The following FRA10AC1 variants were observed in gnomAD, a reference collection of about 807,000 sequenced individuals.
FRA10AC1 encodes the protein FRA10A associated CGG repeat 1.
Under a neutral mutation model 56.5 loss-of-function variants are expected in FRA10AC1, and 43 were observed. The ratio of observed to expected loss-of-function variants is 0.76; its 90% CI spans 0.60 to 0.98. FRA10AC1 has a LOEUF of 0.98. Ranked by LOEUF, FRA10AC1 falls within the 50% of genes least tolerant of loss-of-function variation. The pLI, the probability that FRA10AC1 is intolerant of heterozygous loss-of-function variation, is 0.00. For missense variants in FRA10AC1, 346 were observed against 351.8 expected, an observed-to-expected ratio of 0.98 and a Z score of 0.13; for synonymous variants, 112 against 110.5, an observed-to-expected ratio of 1.01 and a Z score of -0.09.
chr10:93,692,959 G>C (rs1169079214), intron 5 of FRA10AC1, among the ~76,000 whole-genome samples: 5 of 152,058 alleles, frequency 3.3e-5, no homozygotes, highest in African/African-American at 1.2e-4. Context: ...TCTGTCTGTA[G>C]CATTGGTTTC....
At chr10:93,702,036 T>A (rs749030722) in intron 1 of FRA10AC1, among the ~76,000 whole-genome samples, 3 of 152,056 alleles carry the variant, frequency 2.0e-5, no homozygotes, top group African/African-American at 4.8e-5. Flanking sequence ...TGTTACATCA[T>A]CATCATCATC....
At chr10:93,674,632 T>A (rs959428033) in intron 12 of FRA10AC1, 2 of 152,054 alleles carry the variant, frequency 1.3e-5, no homozygotes, top group Non-Finnish European at 2.9e-5. Context: ...CTAGTAAAAA[T>A]TTGACTTAGC....
At chr10:93,688,758 C>T (rs548324391) in intron 7 of FRA10AC1, among the ~76,000 whole-genome samples, 18 of 152,026 alleles carry the variant, frequency 1.2e-4, no homozygotes, top group Non-Finnish European at 2.1e-4. Flanking sequence ...CCACTGCATT[C>T]CATCCACCCT....
chr10:93,689,056 T>G (rs2059078681), intron 7 of FRA10AC1, among the ~76,000 whole-genome samples: 1 of 98,418 alleles, frequency 1.0e-5, no homozygotes. Flanking sequence ...CAGTTTGTTG[T>G]GGGGTTTTTT....
intron 5 of FRA10AC1, among the ~76,000 whole-genome samples, chr10:93,693,512 CATATATATATATATACACCAT>C (rs1232069824): frequency 0.059 from 963 of 16,320 alleles, 80 homozygotes; most frequent in African/African-American, 0.14. Flanking sequence ...ATATATACAC[CATATATATATATATACACCAT>C]ATATATATAT....
Position 93,676,224 on chromosome 10 carries a change from T to TCA in FRA10AC1, c.826+427_826+428dup, listed in dbSNP as rs1395350318. Among the ~76,000 whole-genome samples the TCA allele has an allele frequency of 5.3e-5, 8 of 152,174 alleles. No individual in the cohort carries two copies. The East Asian group carries it at 1.3e-3, about 26-fold the overall frequency. On this transcript the variant is annotated intron_variant, in intron 12 of 13. Coordinates refer to ENST00000359204, the MANE Select transcript of FRA10AC1 (RefSeq NM_145246.5). Reference sequence around the variant, plus strand: ...AACTTATTGTGTATGTTTTTATAAGTCATTGTGAATACTTTTTGGAATATT... The same window carrying TCA: ...AACTTATTGTGTATGTTTTTATAAGTCACATTGTGAATACTTTTTGGAATATT...
intron 9 of FRA10AC1, 131 bp downstream of exon 9, chr10:93,685,115 G>C (rs1043338689): frequency 1.7e-6 from 1 of 578,610 alleles, no homozygotes; most frequent in Admixed American, 3.7e-5. Flanking sequence ...GAGACTTTGG[G>C]AAGCTCCAAG....
In FRA10AC1 at chr10:93,692,626, C is replaced by A. The variant is rs73312804; in HGVS notation, c.380+20G>T. ...CAGGACTAAAGCATTTGATGCATTA[C>A]GCCTCTGATGGCTAATTACCAAGTC... On this transcript the variant is annotated intron_variant, in intron 6 of 13. Transcript: ENST00000359204. 1.3e-5 allele frequency: 19 copies of A among 1,486,432 alleles called. 1 individual carries two copies. The highest frequency in any genetic ancestry group is 1.2e-5 in the South Asian group (1 of 84,792). 92.1% of individuals were successfully genotyped at this position (1,486,432 alleles called of 1,614,324 possible).
At chr10:93,694,840 T>C (rs1291304940) in intron 5 of FRA10AC1, 21 bp downstream of exon 5, 7 of 1,450,626 alleles carry the variant, frequency 4.8e-6, no homozygotes, top group Non-Finnish European at 4.8e-6. Context: ...TTCCCTTCTA[T>C]GTAAACTTCC....
chr10:93,679,592 G>T (rs542488791), intron 11 of FRA10AC1, among the ~76,000 whole-genome samples: 1 of 152,248 alleles, frequency 6.6e-6, no homozygotes, highest in African/African-American at 2.4e-5. Flanking sequence ...AAGGCTACAT[G>T]GGGGGAGTGT....
chr10:93,698,934 T>C (rs2059281860), intron 2 of FRA10AC1, among the ~76,000 whole-genome samples: 1 of 152,198 alleles, frequency 6.6e-6, no homozygotes, highest in Non-Finnish European at 1.5e-5. Flanking sequence ...TTAAACCTCA[T>C]TGGCTATCAT....
chr10:93,694,697 G>A (rs1470321689), intron 5 of FRA10AC1, among the ~76,000 whole-genome samples, 164 bp downstream of exon 5: 1 of 120,176 alleles, frequency 8.3e-6, no homozygotes, highest in Non-Finnish European at 1.6e-5. Context: ...CTGGGCGACA[G>A]AGTGAGACTC....
intron 1 of FRA10AC1, among the ~76,000 whole-genome samples, chr10:93,701,124 A>G (rs2059325177): frequency 6.6e-6 from 1 of 152,174 alleles, no homozygotes; most frequent in Non-Finnish European, 1.5e-5. Flanking sequence ...TTTAGAACTG[A>G]AATTCTTAGA....
At chr10:93,699,413 T>A (rs1457032116) in intron 2 of FRA10AC1, among the ~76,000 whole-genome samples, 1 of 152,154 alleles carries the variant, frequency 6.6e-6, no homozygotes, top group Non-Finnish European at 1.5e-5. Flanking sequence ...AGTCAACCAC[T>A]CCTGAGTCAA....
In FRA10AC1 at chr10:93,685,311, T is replaced by C. The variant is rs1194330815; in HGVS notation, c.560A>G (p.Lys187Arg). The C allele has an allele frequency of 9.5e-6, 15 of 1,586,186 alleles. No individual in the cohort carries two copies. The highest frequency in any genetic ancestry group is 3.4e-5 in the Admixed American group (2 of 59,144). ...ATAACCAAAATTAACTTCCCAACTC[T>C]TTAAGCCTTCTTTTTTATCACAATA... The part of the protein sequence containing the change: ...NKYCDKKEGL[K>R]SWEVNFGYIE... The change falls in exon 9 of 14, where the codon AAG becomes AGG. Residue 187 changes from lysine to arginine, a missense_variant. By Grantham distance (26) the Lys-to-Arg change is conservative. Transcript: ENST00000359204.
chr10:93,669,829 T>A lies in FRA10AC1; in HGVS notation c.945A>T (p.Leu315=). ...EFDEYFQDLF[L] is the part of the protein sequence containing the mutation. ...GCGGAGGCTTCTCTCTCTCGTCTCA[T>A]AGAAACAAATCCTGAAAATACTCAT... Residue 315 remains leucine (L), a synonymous_variant, in exon 14 of 14, where the codon CTA becomes CTT. Coordinates refer to ENST00000359204, the MANE Select transcript of FRA10AC1 (RefSeq NM_145246.5). The A allele has an allele frequency of 6.3e-7, 1 of 1,579,186 alleles. No individual in the cohort carries two copies. Among genetic ancestry groups the A allele is most frequent in the Non-Finnish European group, 8.6e-7 (1 of 1,156,616 alleles).
Position 93,700,030 on chromosome 10 carries a change from C to CT in FRA10AC1, c.76dup (p.Arg26LysfsTer4), listed in dbSNP as rs755202796. ...AGATCAATAAAAAAAAATTACTTACCTTTTTTTCCTTTTGCTGGATTCTCC... is the reference window on the plus strand; with the variant it reads ...AGATCAATAAAAAAAAATTACTTACCTTTTTTTTCCTTTTGCTGGATTCTCC... On this transcript the variant is annotated frameshift_variant and splice_region_variant, in exon 2 of 14. Transcript: ENST00000359204. LOFTEE classifies it high-confidence loss of function. 6 of 1,531,504 alleles carry CT rather than the reference C, an allele frequency of 3.9e-6. No individual in the cohort carries two copies. The highest frequency in any genetic ancestry group is 5.4e-6 in the Non-Finnish European group (6 of 1,112,460). The allele number at this position is 1,531,504 out of a possible 1,614,324, so 94.9% of individuals were successfully genotyped here.
chr10:93,684,137 T>C lies in FRA10AC1; in HGVS notation c.626-39A>G, dbSNP rs762046106. 11 of 1,423,598 alleles carry C rather than the reference T, an allele frequency of 7.7e-6. No individual in the cohort carries two copies. The African/African-American group carries it at 1.6e-4, about 20-fold the overall frequency. 88.2% of individuals were successfully genotyped at this position (1,423,598 alleles called of 1,614,324 possible). On this transcript the variant is annotated intron_variant, in intron 9 of 13. Transcript: ENST00000359204. ...ACACCACTGAATGGCTGATTTTGAA[T>C]AACCACACTGCTAATCTACTTTTAA... is the stretch of plus-strand genomic sequence containing the variant.
intron 2 of FRA10AC1, among the ~76,000 whole-genome samples, chr10:93,699,072 C>T (rs1025660309): frequency 1.2e-4 from 18 of 152,060 alleles, no homozygotes; most frequent in Admixed American, 3.3e-4. Flanking sequence ...CCCAGGAAAG[C>T]CAAAAGACTG....
Sources: gnomAD v4.1 joint callset for allele counts (sites outside exome capture counted in the v4.1 genomes callset) on GRCh38, gnomAD v4.1.1 for gene constraint, MANE v1.5 for transcripts, NCBI Gene and HGNC (gene_info 2026-07-23, HGNC 2026-07-21) for gene names.